The following H3C4 variants were observed in gnomAD, a reference collection of about 807,000 sequenced individuals.
H3C4 encodes histone H3.1.
A neutral mutation model predicts 8.7 loss-of-function variants in H3C4; 10 were observed. The observed-to-expected ratio is 1.15, with a 90% confidence interval of 0.71 to 1.96. The LOEUF is 1.96. Among genes scored for constraint, H3C4 ranks in the 30% most tolerant of loss-of-function variants. The pLI, the probability that H3C4 is intolerant of heterozygous loss-of-function variation, is 0.00. For synonymous variants in H3C4, 141 were observed against 80.1 expected (o/e 1.76, Z -4.06); for missense variants, 216 against 192.9 (o/e 1.12, Z -0.71).
rs762948734 is a variant in H3C4 at position 26,196,798 on chromosome 6, A to C, written c.*42T>G. On this transcript the variant is annotated 3_prime_UTR_variant, in exon 1 of 1. Transcript: ENST00000356476. The stretch of plus-strand genomic sequence containing the variant: ...TATAGAAAAGGTGGTTGGCTCTGAA[A>C]AGAGCCTTTGGGTTTTGGTTAGCAC... The C allele has an allele frequency of 1.2e-6, 2 of 1,606,464 alleles. No homozygotes were observed. Among genetic ancestry groups the C allele is most frequent in the Admixed American group, 3.4e-5 (2 of 58,484 alleles).
rs1384196454 is a variant in H3C4 at position 26,197,197 on chromosome 6, G to A, written c.54C>T (p.Arg18=). 1.2e-6 allele frequency: 2 copies of A among 1,614,058 alleles called. No individual in the cohort carries two copies. The highest frequency in any genetic ancestry group is 1.7e-6 in the Non-Finnish European group (2 of 1,179,976). The change falls in exon 1 of 1, where the codon CGC becomes CGT. Residue 18 remains arginine (R), a synonymous_variant. Transcript: ENST00000356476. ...ARKSTGGKAP[R]KQLATKAARK... The stretch of plus-strand genomic sequence containing the variant: ...GAGCAGCCTTGGTGGCCAGCTGCTT[G>A]CGTGGCGCTTTCCCACCCGTGGACT...
At chr6:26,198,090 C>A (rs1344505993), upstream of H3C4, among the ~76,000 whole-genome samples, 2 of 152,096 alleles carry the variant, frequency 1.3e-5, no homozygotes, top group Non-Finnish European at 2.9e-5. Context: ...AAAATACTTA[C>A]AAATTACAGG....
upstream of H3C4, chr6:26,198,859 C>A (rs753426007): frequency 1.2e-6 from 2 of 1,613,404 alleles, no homozygotes; most frequent in Non-Finnish European, 1.7e-6. Context: ...TTTTACTTGC[C>A]CTTGGCCTTG....
chr6:26,199,220 G>T (rs748398521), upstream of H3C4: 2 of 1,605,954 alleles, frequency 1.2e-6, no homozygotes, highest in Non-Finnish European at 1.7e-6. Flanking sequence ...GGGCCTTTCC[G>T]CCTTGCTTGC....
rs889745016 is a variant in H3C4 at position 26,196,822 on chromosome 6, A to T, written c.*18T>A. The T allele has an allele frequency of 6.2e-7, 1 of 1,614,072 alleles. No homozygotes were observed. Among genetic ancestry groups the T allele is most frequent in the Admixed American group, 1.7e-5 (1 of 60,000 alleles). Reference sequence around the variant, plus strand: ...AAAGAGCCTTTGGGTTTTGGTTAGCACACATTCACAAGACAATTTACGCCC... The same window carrying T: ...AAAGAGCCTTTGGGTTTTGGTTAGCTCACATTCACAAGACAATTTACGCCC... On this transcript the variant is annotated 3_prime_UTR_variant, in exon 1 of 1. Transcript: ENST00000356476.
At position 26,196,951 on chromosome 6, in the gene H3C4, G is replaced by A. The variant is rs1000309773; in HGVS notation, c.300C>T (p.Tyr100=). The A allele has an allele frequency of 1.2e-6, 2 of 1,614,244 alleles. No individual in the cohort carries two copies. Among genetic ancestry groups the A allele is most frequent in the Non-Finnish European group, 1.7e-6 (2 of 1,180,042 alleles). Residue 100 remains tyrosine (Y), a synonymous_variant, in exon 1 of 1, where the codon TAC becomes TAT. Transcript: ENST00000356476. ...VMALQEACEA[Y]LVGLFEDTNL... ...TGGTGTCCTCAAACAGCCCCACCAG[G>A]TAGGCCTCGCAGGCCTCCTGCAGCG...
At chr6:26,198,297 CAT>C (rs577126863), upstream of H3C4, among the ~76,000 whole-genome samples, 54 of 152,286 alleles carry the variant, frequency 3.5e-4, no homozygotes, top group Admixed American at 1.1e-3. Flanking sequence ...TTACATGTGA[CAT>C]AAAGTCTCTT....
At chr6:26,197,350 CT>C, upstream of H3C4, 1 of 1,283,732 alleles carries the variant, frequency 7.8e-7, no homozygotes, top group South Asian at 1.4e-5. Flanking sequence ...ACAAGGCAGC[CT>C]TTCCCCTGCA....
chr6:26,197,974 C>CACCT (rs2113858022), upstream of H3C4, among the ~76,000 whole-genome samples: 1 of 151,586 alleles, frequency 6.6e-6, no homozygotes, highest in South Asian at 2.1e-4. Flanking sequence ...TAAGAAGCTC[C>CACCT]ACCTAAGGGC....
upstream of H3C4, chr6:26,198,853 AC>A: frequency 6.2e-7 from 1 of 1,611,648 alleles, no homozygotes; most frequent in East Asian, 2.2e-5. Context: ...TTCTCGTTTT[AC>A]TTGCCCTTGG....
rs142670361 is a variant in H3C4, at chr6:26,196,893, T to C, written c.358A>G (p.Ile120Val). ...LCAIHAKRVTIMPKDIQLARR... is the reference protein window; with the variant it reads ...LCAIHAKRVTVMPKDIQLARR... ...GCAAGCTGGATGTCCTTGGGCATGA[T>C]AGTCACTCGCTTGGCGTGAATGGCG... The change falls in exon 1 of 1, where the codon ATC becomes GTC. Residue 120 changes from isoleucine to valine, a missense_variant. Transcript: ENST00000356476. 1.2e-5 allele frequency: 20 copies of C among 1,614,224 alleles called. No homozygotes were observed. The highest frequency in any genetic ancestry group is 2.2e-5 in the South Asian group (2 of 91,088).
chr6:26,199,249 A>C (rs752924283), upstream of H3C4: 1 of 1,591,800 alleles, frequency 6.3e-7, no homozygotes, highest in African/African-American at 1.4e-5. Flanking sequence ...GACATTTTGA[A>C]TTCTTAAAAA....
chr6:26,199,052 C>G (rs374706369), upstream of H3C4: 2 of 1,614,206 alleles, frequency 1.2e-6, no homozygotes, highest in East Asian at 2.2e-5. Flanking sequence ...CCGCCAGCTC[C>G]AGGATCTCGG....
chr6:26,198,780 T>A (rs1164483118), upstream of H3C4: 4 of 1,474,284 alleles, frequency 2.7e-6, no homozygotes, highest in Non-Finnish European at 3.7e-6. Flanking sequence ...TTTTAAGGAA[T>A]ACATGGGTGG....
At chr6:26,198,485 CCA>C (rs1765034317), upstream of H3C4, among the ~76,000 whole-genome samples, 1 of 152,140 alleles carries the variant, frequency 6.6e-6, no homozygotes, top group South Asian at 2.1e-4. Context: ...GCGCGCGCCA[CCA>C]CGCCCGACAA....
upstream of H3C4, among the ~76,000 whole-genome samples, chr6:26,198,308 T>C (rs1013189322): frequency 1.3e-5 from 2 of 152,232 alleles, no homozygotes; most frequent in African/African-American, 4.8e-5. Flanking sequence ...ATAAAGTCTC[T>C]TTGCATTTTA....
At chr6:26,197,899 A>G (rs1327695604), upstream of H3C4, among the ~76,000 whole-genome samples, 1 of 150,838 alleles carries the variant, frequency 6.6e-6, no homozygotes, top group East Asian at 1.9e-4. Flanking sequence ...AAAAAAAAAA[A>G]AAGCCAAATT....
upstream of H3C4, among the ~76,000 whole-genome samples, chr6:26,198,654 G>C (rs893705328): frequency 1.3e-5 from 2 of 152,128 alleles, no homozygotes; most frequent in African/African-American, 4.8e-5. Context: ...TATTTTTATG[G>C]CATCTTTAAA....
chr6:26,197,402 C>A (rs1381871699), upstream of H3C4: 3 of 695,712 alleles, frequency 4.3e-6, no homozygotes, highest in African/African-American at 3.6e-5. Flanking sequence ...CAGAACATCT[C>A]CTGCATGTAG....
Sources: gnomAD v4.1 joint callset for allele counts (sites outside exome capture counted in the v4.1 genomes callset) on GRCh38, gnomAD v4.1.1 for gene constraint, MANE v1.5 for transcripts, NCBI Gene and HGNC (gene_info 2026-07-23, HGNC 2026-07-21) for gene names.